The following PLXNC1 variants were observed in gnomAD, a reference collection of about 807,000 sequenced individuals.
PLXNC1 encodes the protein plexin-C1.
A neutral mutation model predicts 178.2 loss-of-function variants in PLXNC1; 75 were observed. The observed-to-expected ratio is 0.42, with a 90% CI of 0.35 to 0.51. The LOEUF is 0.51. Ranked by LOEUF, PLXNC1 falls within the 20% of genes least tolerant of loss-of-function variation. The pLI is 0.02. For missense variants in PLXNC1, 1,503 were observed against 1,984.4 expected (o/e 0.76, Z 4.61); for synonymous variants, 790 against 779.9 (o/e 1.01, Z -0.22).
chr12:94,175,121 ACAGGCATGCACGTGTGTGTATATGTATG>A (rs1275787006), intron 2 of PLXNC1, among the ~76,000 whole-genome samples: 3 of 152,188 alleles, frequency 2.0e-5, no homozygotes, highest in African/African-American at 7.2e-5. Flanking sequence ...GCACGCATGC[ACAGGCATGCACGTGTGTGTATATGTATG>A]CAGGCATGCA....
Position 94,292,302 on chromosome 12 carries a change from T to C in PLXNC1, c.3880-2184T>C, listed in dbSNP as rs561753917. On this transcript the variant is annotated intron_variant, in intron 23 of 30. Transcript: ENST00000258526. ...CCTCTGGATGAAGATGGGGTGGTCA[T>C]TGTCTCGGAAGGGACAATGGGAGCA... Among the ~76,000 whole-genome samples the C allele has an allele frequency of 7.2e-5, 11 of 152,282 alleles. No homozygotes were observed. In the South Asian group the frequency reaches 1.7e-3, roughly 23 times the overall value.
At chr12:94,198,923 G>A (rs1217199385) in intron 4 of PLXNC1, among the ~76,000 whole-genome samples, 1 of 152,180 alleles carries the variant, frequency 6.6e-6, no homozygotes, top group Admixed American at 6.5e-5. Flanking sequence ...ACGTTCTGAG[G>A]TTCTGATGGG....
At position 94,306,722 on chromosome 12, in the gene PLXNC1, A is replaced by C. The variant is rs561577708; in HGVS notation, c.*1437A>C. On this transcript the variant is annotated 3_prime_UTR_variant, in exon 31 of 31. Transcript: ENST00000258526. ...ATGGAGCATTAGGATTTAAATATGAATTTGTCTTAAAGGCAATTCCTTTTT... is the reference window on the plus strand; with the variant it reads ...ATGGAGCATTAGGATTTAAATATGACTTTGTCTTAAAGGCAATTCCTTTTT... 1 of 152,220 alleles carries C rather than the reference A, an allele frequency of 6.6e-6. No individual in the cohort carries two copies. The highest frequency in any genetic ancestry group is 6.6e-5 in the Admixed American group (1 of 15,238). The allele number at this position is 152,220 out of a possible 1,614,324, so 9.4% of individuals were successfully genotyped here. A position where few individuals can be genotyped will look rare whatever the true frequency, so the allele number is the denominator to read the frequency against.
intron 9 of PLXNC1, among the ~76,000 whole-genome samples, chr12:94,236,665 T>C (rs924065762): frequency 1.3e-5 from 2 of 152,020 alleles, no homozygotes; most frequent in African/African-American, 4.8e-5. Context: ...GAAAAAAGAG[T>C]GTGAGTATGA....
At chr12:94,233,632 C>T (rs1964167246) in intron 9 of PLXNC1, among the ~76,000 whole-genome samples, 2 of 152,318 alleles carry the variant, frequency 1.3e-5, no homozygotes, top group Admixed American at 6.5e-5. Context: ...CCAGGGCCAA[C>T]TGAAATCACA....
chr12:94,300,571 T>TCATGC lies in PLXNC1; in HGVS notation c.4239-339_4239-338insCATGC, dbSNP rs1221371683. Among the ~76,000 whole-genome samples, 120 of 152,276 alleles carry TCATGC rather than the reference T, an allele frequency of 7.9e-4. 1 individual carries two copies. In the East Asian group the frequency reaches 0.022, roughly 28 times the overall value. ...AGGAGAGACATGGTCTGATTCTGTGTTGAGAGGACTGCTGATAGTTATGTG... is the reference window on the plus strand; with the variant it reads ...AGGAGAGACATGGTCTGATTCTGTGTCATGCTGAGAGGACTGCTGATAGTTATGTG... On this transcript the variant is annotated intron_variant, in intron 27 of 30. Transcript: ENST00000258526.
intron 21 of PLXNC1, chr12:94,272,042 T>C (rs997305523): frequency 4.6e-5 from 7 of 152,234 alleles, no homozygotes; most frequent in African/African-American, 1.7e-4. Flanking sequence ...TGTGAGAGGC[T>C]GATGGCTGAC....
chr12:94,281,385 G>A (rs1293441747), intron 22 of PLXNC1, among the ~76,000 whole-genome samples: 1 of 152,192 alleles, frequency 6.6e-6, no homozygotes, highest in Non-Finnish European at 1.5e-5. Context: ...CAAAGGGGCA[G>A]AAAATACATA....
At chr12:94,283,731 G>A (rs1268822973) in intron 23 of PLXNC1, among the ~76,000 whole-genome samples, 1 of 152,096 alleles carries the variant, frequency 6.6e-6, no homozygotes, top group African/African-American at 2.4e-5. Context: ...CCTGGGGTGG[G>A]GGCCACAAGA....
intron 2 of PLXNC1, among the ~76,000 whole-genome samples, chr12:94,180,179 C>T (rs1330250410): frequency 6.6e-6 from 1 of 152,126 alleles, no homozygotes; most frequent in Non-Finnish European, 1.5e-5. Flanking sequence ...CCCACAAGAC[C>T]CTTGATTATC....
chr12:94,239,277 T>A (rs1214322633), intron 10 of PLXNC1, among the ~76,000 whole-genome samples: 2 of 152,240 alleles, frequency 1.3e-5, no homozygotes, highest in Non-Finnish European at 2.9e-5. Context: ...ATGGTACTTT[T>A]AAAATGGGTA....
At chr12:94,209,524 C>T (rs2305971) in intron 4 of PLXNC1, 66 bp from the exon 5 acceptor site, 525,229 of 879,184 alleles carry the variant, frequency 0.6, 161,014 homozygotes, top group South Asian at 0.67. Flanking sequence ...AACTAATGCA[C>T]GTATGGGGTC....
At chr12:94,238,978 C>T (rs1009177558) in intron 10 of PLXNC1, among the ~76,000 whole-genome samples, 3 of 152,084 alleles carry the variant, frequency 2.0e-5, no homozygotes, top group Non-Finnish European at 4.4e-5. Flanking sequence ...TTTTATGTAG[C>T]GAAATCTGTG....
rs1464081586 is a variant in PLXNC1, at chr12:94,300,965, A to G, written c.4294A>G (p.Ile1432Val). The change falls in exon 28 of 31, where the codon ATT (isoleucine) becomes GTT (valine). Residue 1432 changes from isoleucine (I) to valine (V), a missense_variant. This residue lies in a region of PLXNC1 where 639 missense variants were observed against 979.7 expected (regional missense o/e 0.65). Coordinates refer to ENST00000258526, the MANE Select transcript of PLXNC1 (RefSeq NM_005761.3). Reference sequence around the variant, plus strand: ...GAAGAACCCTCAGTTTGTCTTTGACATTAAGAAGACACCACATATAGACGG... The same window carrying G: ...GAAGAACCCTCAGTTTGTCTTTGACGTTAAGAAGACACCACATATAGACGG... ...ILKNPQFVFD[I>V]KKTPHIDGCL... is the part of the protein sequence containing the mutation. 3 of 1,613,820 alleles carry G rather than the reference A, an allele frequency of 1.9e-6. No individual in the cohort carries two copies. The highest frequency in any genetic ancestry group is 1.7e-6 in the Non-Finnish European group (2 of 1,179,772).
At chr12:94,172,536 G>A (rs1320167812) in intron 2 of PLXNC1, among the ~76,000 whole-genome samples, 1 of 152,060 alleles carries the variant, frequency 6.6e-6, no homozygotes, top group Non-Finnish European at 1.5e-5. Context: ...GGGGGTGAGA[G>A]GACAACAAAG....
In PLXNC1 at chr12:94,260,867, C is replaced by A; in HGVS notation, c.3450+27C>A. On this transcript the variant is annotated intron_variant, in intron 20 of 30. Transcript: ENST00000258526. This position sits in a 1 kb window ranked among gnomAD's most constrained non-coding sequence, Gnocchi z 4.4. ...TAAGTGTCACATCCCTCAGCAATGTCAGAGGTAAGACAATAGGCAGTTATT... is the reference window on the plus strand; with the variant it reads ...TAAGTGTCACATCCCTCAGCAATGTAAGAGGTAAGACAATAGGCAGTTATT... 6.3e-7 allele frequency: 1 copy of A among 1,599,520 alleles called. No homozygotes were observed. The highest frequency in any genetic ancestry group is 8.6e-7 in the Non-Finnish European group (1 of 1,167,342).
chr12:94,271,693 T>A (rs1009885406), intron 21 of PLXNC1, among the ~76,000 whole-genome samples: 1 of 152,212 alleles, frequency 6.6e-6, no homozygotes, highest in Admixed American at 6.5e-5. Context: ...AAATAATACA[T>A]GTACCACGTC....
intron 17 of PLXNC1, among the ~76,000 whole-genome samples, chr12:94,258,328 G>A (rs779107473): frequency 4.6e-5 from 7 of 152,030 alleles, no homozygotes; most frequent in Non-Finnish European, 7.4e-5. Context: ...TTTTACTAGG[G>A]GAGGATATGG....
Position 94,209,639 on chromosome 12 carries a change from C to A in PLXNC1, c.1489C>A (p.Leu497Met), listed in dbSNP as rs559943694. 17 of 1,613,650 alleles carry A rather than the reference C, an allele frequency of 1.1e-5. No homozygotes were observed. In the South Asian group the frequency reaches 1.8e-4, roughly 17 times the overall value. ...CVHSENLENW[L>M]DISSGAKKCP... ...ACATTCAGAGAACTTAGAAAACTGGCTGGATATTTCGTCTGGAGCAAAAAA... is the reference window on the plus strand; with the variant it reads ...ACATTCAGAGAACTTAGAAAACTGGATGGATATTTCGTCTGGAGCAAAAAA... The change falls in exon 5 of 31, where the codon CTG (leucine) becomes ATG (methionine). Residue 497 changes from leucine to methionine, a missense_variant. Leu to Met is a conservative substitution (Grantham distance 15, BLOSUM62 2). Around this residue, in one of 4 missense-constraint regions of PLXNC1, gnomAD observed 615 missense variants for 698.6 expected, o/e 0.88. Coordinates refer to ENST00000258526, the MANE Select transcript of PLXNC1 (RefSeq NM_005761.3).
Sources: gnomAD v4.1 joint callset for allele counts (sites outside exome capture counted in the v4.1 genomes callset) on GRCh38, gnomAD v4.1.1 for gene constraint, gnomAD v4.1.1 regional missense constraint, Gnocchi (gnomAD v3.1) non-coding constraint, MANE v1.5 for transcripts, NCBI Gene and HGNC (gene_info 2026-07-23, HGNC 2026-07-21) for gene names.